SLC13A4: variants seen among roughly 807,000 people sequenced by gnomAD.
SLC13A4 encodes the protein solute carrier family 13 member 4.
Under a neutral mutation model 72.7 loss-of-function variants are expected in SLC13A4, and 28 were observed. The ratio of observed to expected loss-of-function variants is 0.39; its 90% CI spans 0.29 to 0.53. The LOEUF (loss-of-function observed/expected upper bound fraction) is 0.53. Ranked by LOEUF, SLC13A4 falls within the 20% of genes least tolerant of loss-of-function variation. The pLI is 0.78. For missense variants in SLC13A4, 653 were observed against 788.0 expected (o/e 0.83, Z 2.05); for synonymous variants, 312 against 325.5 (o/e 0.96, Z 0.45).
chr7:135,694,057 G>T, intron 10 of SLC13A4, 80 bp downstream of exon 10: 1 of 851,328 alleles, frequency 1.2e-6, no homozygotes, highest in South Asian at 1.4e-5. Context: ...GGGATTGTCA[G>T]GAACAGGGCT....
At chr7:135,692,529 C>A in intron 10 of SLC13A4, 105 bp from the exon 11 acceptor site, 1 of 720,634 alleles carries the variant, frequency 1.4e-6, no homozygotes, top group Non-Finnish European at 2.3e-6. Context: ...ATACCCTAGA[C>A]ATAAAACACA....
intron 13 of SLC13A4, among the ~76,000 whole-genome samples, chr7:135,687,780 A>G (rs1795669752): frequency 6.7e-6 from 1 of 149,220 alleles, no homozygotes; most frequent in Non-Finnish European, 1.5e-5. Context: ...ACTTAACGTT[A>G]TCCAAATAGT....
intron 13 of SLC13A4, among the ~76,000 whole-genome samples, chr7:135,687,133 AG>A (rs1463459850): frequency 1.3e-5 from 2 of 152,248 alleles, no homozygotes; most frequent in Non-Finnish European, 2.9e-5. Flanking sequence ...ACCTGCAAAT[AG>A]GGAGGGCTAC....
rs1563175665 is a variant in SLC13A4, at chr7:135,727,847, G to GCCA, written c.-354_-352dup. The GCCA allele has an allele frequency of 8.6e-6, 2 of 232,454 alleles. No homozygotes were observed. Among genetic ancestry groups the GCCA allele is most frequent in the African/African-American group, 4.5e-5 (2 of 44,570 alleles). The allele number at this position is 232,454 out of a possible 1,614,324, so 14.4% of individuals were successfully genotyped here. Reference sequence around the variant, plus strand: ...AGCAGAAACCCCCTTAATCCTTTAAGCCACACCTTTGCTGCTGCTGCTCGG... The same window carrying GCCA: ...AGCAGAAACCCCCTTAATCCTTTAAGCCACCACACCTTTGCTGCTGCTGCTCGG... On this transcript the variant is annotated 5_prime_UTR_variant, in exon 1 of 16. Coordinates refer to ENST00000682651, the MANE Select transcript of SLC13A4 (RefSeq NM_001318192.2).
rs1044511352 is a variant in SLC13A4, at chr7:135,705,519, G to T, written c.593+77C>A. Reference sequence around the variant, plus strand: ...TGGTACATCTCAAAGAGCTGTTTATGGGTCTAGGTCCCCTCTTTTCTGACC... The same window carrying T: ...TGGTACATCTCAAAGAGCTGTTTATTGGTCTAGGTCCCCTCTTTTCTGACC... On this transcript the variant is annotated intron_variant, in intron 5 of 15. Transcript: ENST00000682651. The T allele has an allele frequency of 4.4e-6, 6 of 1,359,208 alleles. No individual in the cohort carries two copies. The Admixed American group carries it at 1.0e-4, about 24-fold the overall frequency. The allele number at this position is 1,359,208 out of a possible 1,614,324, so 84.2% of individuals were successfully genotyped here. A position where few individuals can be genotyped will look rare whatever the true frequency, so the allele number is the denominator to read the frequency against.
chr7:135,719,919 G>A (rs1157589642), intron 2 of SLC13A4, among the ~76,000 whole-genome samples: 1 of 143,084 alleles, frequency 7.0e-6, no homozygotes, highest in African/African-American at 2.6e-5. Context: ...AGAGAGAGAC[G>A]GGCCCAGGGG....
In SLC13A4 at chr7:135,701,682, G is replaced by A. The variant is rs1362370704; in HGVS notation, c.712C>T (p.Gln238Ter). The change falls in exon 7 of 16, where the codon CAG (glutamine) becomes TAG (stop). Residue 238 changes from glutamine (Q) to a stop codon, truncating the protein, a stop_gained and splice_region_variant. Transcript: ENST00000682651. LOFTEE classifies it high-confidence loss of function. ...QHQGKKQHPS[Q>*]EKPQVLTPSP... ...GCTAGAAGGGGCCGTTCTATTACCTGGGATGGGTGTTGCTTCTTGCCCTGG... is the reference window on the plus strand; with the variant it reads ...GCTAGAAGGGGCCGTTCTATTACCTAGGATGGGTGTTGCTTCTTGCCCTGG... 11 of 1,613,474 alleles carry A rather than the reference G, an allele frequency of 6.8e-6. No individual in the cohort carries two copies. Among genetic ancestry groups the A allele is most frequent in the Non-Finnish European group, 8.5e-6 (10 of 1,179,698 alleles).
At chr7:135,719,241 G>A (rs1333830449) in intron 2 of SLC13A4, among the ~76,000 whole-genome samples, 6 of 152,294 alleles carry the variant, frequency 3.9e-5, no homozygotes, top group East Asian at 1.9e-4. Flanking sequence ...ACAAAGGGGC[G>A]TCCCTCGGAT....
rs533530219 is a variant in SLC13A4 at position 135,717,863 on chromosome 7, T to C, written c.228+3532A>G. On this transcript the variant is annotated intron_variant, in intron 2 of 15. Coordinates refer to ENST00000682651, the MANE Select transcript of SLC13A4 (RefSeq NM_001318192.2). ...GAACAAAAGGCAGAGGAAGCAGGAA[T>C]TTGCCTCCTTTTTCCAGTCTCACCA... 1.6e-3 allele frequency among the ~76,000 whole-genome samples: 238 copies of C among 152,152 alleles called. 1 individual carries two copies. The highest frequency in any genetic ancestry group is 5.5e-3 in the African/African-American group (229 of 41,524).
intron 2 of SLC13A4, among the ~76,000 whole-genome samples, chr7:135,708,851 C>T (rs1796229737): frequency 6.8e-6 from 1 of 146,076 alleles, no homozygotes; most frequent in African/African-American, 2.5e-5. Flanking sequence ...ACTTTTATAT[C>T]TTGCCTTTTT....
chr7:135,714,951 AGAGT>A (rs1324687999), intron 2 of SLC13A4, among the ~76,000 whole-genome samples: 4 of 151,874 alleles, frequency 2.6e-5, no homozygotes, highest in Non-Finnish European at 5.9e-5. Context: ...GGCCCAGGTG[AGAGT>A]GTGTGTGAGT....
At chr7:135,705,695 G>C (rs769790945) in intron 4 of SLC13A4, 45 bp from the exon 5 acceptor site, 2 of 1,576,304 alleles carry the variant, frequency 1.3e-6, no homozygotes, top group South Asian at 2.2e-5. Context: ...TGGAGGCTGG[G>C]GCTGACCCTG....
At chr7:135,683,687 G>A in intron 15 of SLC13A4, 3 of 985,404 alleles carry the variant, frequency 3.0e-6, no homozygotes, top group Non-Finnish European at 3.6e-6. Context: ...TGGAGGGTGA[G>A]TTGAGCAGAA....
intron 2 of SLC13A4, among the ~76,000 whole-genome samples, chr7:135,714,423 G>A (rs1796369652): frequency 6.6e-6 from 1 of 152,218 alleles, no homozygotes; most frequent in Non-Finnish European, 1.5e-5. Flanking sequence ...TGCTGGTCAG[G>A]TGGTGGTTCA....
At chr7:135,706,578 A>AG (rs781322373) in intron 3 of SLC13A4, among the ~76,000 whole-genome samples, 9 of 152,376 alleles carry the variant, frequency 5.9e-5, no homozygotes, top group Middle Eastern at 3.4e-3. Flanking sequence ...CTCTGGTAGT[A>AG]GGGCCACAGG....
At chr7:135,705,195 C>T (rs987767435) in intron 5 of SLC13A4, 2 of 166,710 alleles carry the variant, frequency 1.2e-5, no homozygotes, top group Admixed American at 5.8e-5. Context: ...GAAAATATTT[C>T]ATGATTCTCC....
At chr7:135,695,087 T>C (rs1795871490) in intron 9 of SLC13A4, among the ~76,000 whole-genome samples, 2 of 152,380 alleles carry the variant, frequency 1.3e-5, no homozygotes, top group South Asian at 4.1e-4. Flanking sequence ...TAAATACTCT[T>C]CACCTCAGAC....
Position 135,689,668 on chromosome 7 carries a change from C to T in SLC13A4, c.1446+1533G>A, listed in dbSNP as rs140938963. Among the ~76,000 whole-genome samples, 501 of 152,188 alleles carry T rather than the reference C, an allele frequency of 3.3e-3. 1 individual carries two copies. The highest frequency in any genetic ancestry group is 5.1e-3 in the Non-Finnish European group (346 of 68,006). On this transcript the variant is annotated intron_variant, in intron 13 of 15. Coordinates refer to ENST00000682651, the MANE Select transcript of SLC13A4 (RefSeq NM_001318192.2). ...GAACAGAGCTAGAGCCAACAGTGGA[C>T]AGACAACATGCAGAAGACCTGAGCT...
chr7:135,716,538 C>T (rs1270897277), intron 2 of SLC13A4, among the ~76,000 whole-genome samples: 1 of 152,190 alleles, frequency 6.6e-6, no homozygotes, highest in Non-Finnish European at 1.5e-5. Flanking sequence ...GTCTCAAACC[C>T]CTGACCTCAG....
Sources: allele counts gnomAD v4.1 joint callset (sites outside exome capture counted in the v4.1 genomes callset), GRCh38; gene constraint gnomAD v4.1.1; transcripts MANE v1.5; gene names NCBI Gene and HGNC (gene_info 2026-07-23, HGNC 2026-07-21).